POLA2: variants seen among roughly 807,000 people sequenced by gnomAD.
POLA2 encodes DNA polymerase alpha 2, accessory subunit.
In POLA2, 47 loss-of-function variants were observed where a neutral mutation model predicts 82.8. The ratio of observed to expected loss-of-function variants is 0.57; its 90% CI spans 0.45 to 0.72. The LOEUF (loss-of-function observed/expected upper bound fraction) is 0.72. Among genes scored for constraint, POLA2 ranks in the 30% least tolerant of loss-of-function variants. The pLI is 0.00. For synonymous variants in POLA2, 287 were observed against 286.8 expected (o/e 1.00, Z -0.01); for missense variants, 634 against 728.1 (o/e 0.87, Z 1.49).
rs1187355977 is a variant in POLA2, at chr11:65,297,314, C to T, written c.*45C>T. 1 of 1,527,802 alleles carries T rather than the reference C, an allele frequency of 6.5e-7. No individual in the cohort carries two copies. The highest frequency in any genetic ancestry group is 2.3e-5 in the East Asian group (1 of 43,202). 94.6% of individuals were successfully genotyped at this position (1,527,802 alleles called of 1,614,324 possible). A position where few individuals can be genotyped will look rare whatever the true frequency, so the allele number is the denominator to read the frequency against. On this transcript the variant is annotated 3_prime_UTR_variant, in exon 18 of 18. Transcript: ENST00000265465. ...TCTCTGCTGTGTGGGCCCTTAAAGTCTTAGCCAAGAGCCAAGACATAGCCC... is the reference window on the plus strand; with the variant it reads ...TCTCTGCTGTGTGGGCCCTTAAAGTTTTAGCCAAGAGCCAAGACATAGCCC...
At position 65,297,950 on chromosome 11, in the gene POLA2, CCTTT is replaced by C. The variant is rs1949831443; in HGVS notation, c.*685_*688del. On this transcript the variant is annotated 3_prime_UTR_variant, in exon 18 of 18. Coordinates refer to ENST00000265465, the MANE Select transcript of POLA2 (RefSeq NM_002689.4). ...CAGGCGTGAGCCACCGCGCCCGGCCCCTTTCTTCTATTTTCTTTATCCTGGTAGT... is the reference window on the plus strand; with the variant it reads ...CAGGCGTGAGCCACCGCGCCCGGCCCCTTCTATTTTCTTTATCCTGGTAGT... 1 of 152,336 alleles carries C rather than the reference CCTTT, an allele frequency of 6.6e-6. No individual in the cohort carries two copies. Among genetic ancestry groups the C allele is most frequent in the Non-Finnish European group, 1.5e-5 (1 of 68,194 alleles). The allele number at this position is 152,336 out of a possible 1,614,324, so 9.4% of individuals were successfully genotyped here.
At chr11:65,267,190 C>G (rs1216131352) in intron 2 of POLA2, among the ~76,000 whole-genome samples, 1 of 151,470 alleles carries the variant, frequency 6.6e-6, no homozygotes, top group Non-Finnish European at 1.5e-5. Flanking sequence ...TGGGACAGAG[C>G]GAGACTCCAT....
At chr11:65,280,772 G>C (rs908527851) in intron 7 of POLA2, 5 of 535,316 alleles carry the variant, frequency 9.3e-6, no homozygotes, top group Non-Finnish European at 1.3e-5. Flanking sequence ...TCCTAGGAAG[G>C]CTCAAGTGCT....
chr11:65,274,847 G>T (rs1200794617), intron 4 of POLA2, among the ~76,000 whole-genome samples: 2 of 151,748 alleles, frequency 1.3e-5, no homozygotes, highest in African/African-American at 2.4e-5. Flanking sequence ...AAATTATAAG[G>T]CACCACGCCT....
rs747221100 is a variant in POLA2, at chr11:65,294,248, G to T, written c.1340G>T (p.Arg447Leu). Reference protein sequence around the residue: ...QPPFSYSDLSREDKKQVQFVS... With the variant: ...QPPFSYSDLSLEDKKQVQFVS... ...CCTTTCAGCTACTCCGATCTGTCTC[G>T]AGAGGACAAAAAGGTAGCAGCACCC... The change falls in exon 14 of 18, where the codon CGA (arginine) becomes CTA (leucine). Residue 447 changes from arginine (R) to leucine (L), a missense_variant. Arg to Leu is a moderately radical substitution (Grantham distance 102). Coordinates refer to ENST00000265465, the MANE Select transcript of POLA2 (RefSeq NM_002689.4). 1 of 1,613,724 alleles carries T rather than the reference G, an allele frequency of 6.2e-7. No homozygotes were observed. Among genetic ancestry groups the T allele is most frequent in the Non-Finnish European group, 8.5e-7 (1 of 1,179,656 alleles).
In POLA2 at chr11:65,289,848, G is replaced by T; in HGVS notation, c.1220G>T (p.Arg407Leu). ...GAAGACATTTTCAAGCAGTGTCTAC[G>T]AACAATTATTGAAGGCACAAGAAGG... Reference protein sequence around the residue: ...PFEDIFKQCLRTIIEGTRSSG... With the variant: ...PFEDIFKQCLLTIIEGTRSSG... Residue 407 changes from arginine (R) to leucine (L), a missense_variant, in exon 13 of 18, where the codon CGA becomes CTA. Coordinates refer to ENST00000265465, the MANE Select transcript of POLA2 (RefSeq NM_002689.4). The T allele has an allele frequency of 6.2e-7, 1 of 1,609,680 alleles. No homozygotes were observed.
intron 1 of POLA2, among the ~76,000 whole-genome samples, chr11:65,264,173 T>G (rs995052076): frequency 6.6e-6 from 1 of 152,078 alleles, no homozygotes; most frequent in South Asian, 2.1e-4. Context: ...GTTCAAGCGG[T>G]TCTCCTGCCT....
chr11:65,305,040 TCCTCCATGGC>T (rs914223689), intron 8 of POLA2, among the ~76,000 whole-genome samples: 2 of 144,508 alleles, frequency 1.4e-5, no homozygotes, highest in Admixed American at 1.4e-4. Context: ...TCCCCCTTCT[TCCTCCATGGC>T]CCTCCATGGG....
At position 65,297,243 on chromosome 11, in the gene POLA2, A is replaced by G. The variant is rs933980501; in HGVS notation, c.1771A>G (p.Ile591Val). 2 of 1,611,840 alleles carry G rather than the reference A, an allele frequency of 1.2e-6. No individual in the cohort carries two copies. The highest frequency in any genetic ancestry group is 1.3e-5 in the African/African-American group (1 of 74,854). Residue 591 changes from isoleucine to valine, a missense_variant, in exon 18 of 18, where the codon ATT becomes GTT. Coordinates refer to ENST00000265465, the MANE Select transcript of POLA2 (RefSeq NM_002689.4). The stretch of plus-strand genomic sequence containing the variant: ...CGGGGCAGAGAGGCAGAGCCCATGC[A>G]TTGCTGTGCAGGTCGTCAGGATCTG... ...ADGAERQSPC[I>V]AVQVVRI is the part of the protein sequence containing the mutation.
intron 15 of POLA2, 82 bp downstream of exon 15, chr11:65,294,734 C>A: frequency 2.1e-6 from 2 of 944,906 alleles, no homozygotes; most frequent in Non-Finnish European, 3.3e-6. Flanking sequence ...AATCAAGGGG[C>A]TGCTTAACGG....
intron 4 of POLA2, 97 bp from the exon 5 acceptor site, chr11:65,275,795 G>A (rs111744572): frequency 2.6e-5 from 15 of 578,626 alleles, no homozygotes; most frequent in Admixed American, 1.3e-4. Context: ...TTGTGCCTTC[G>A]TTTGGACATG....
rs1224725349 is a variant in POLA2, at chr11:65,280,924, A to G, written c.745-68A>G. The G allele has an allele frequency of 4.0e-6, 6 of 1,514,110 alleles. No individual in the cohort carries two copies. In the South Asian group the frequency reaches 5.9e-5, roughly 15 times the overall value. The allele number at this position is 1,514,110 out of a possible 1,614,324, so 93.8% of individuals were successfully genotyped here. On this transcript the variant is annotated intron_variant, in intron 7 of 17. Transcript: ENST00000265465. ...TGCAGTTTGTTTTGCTATTCACCCT[A>G]TCGACTTCAGATTTTGAGCTCCTGC...
intron 7 of POLA2, chr11:65,280,390 TGTATG>T (rs931306793): frequency 6.6e-6 from 1 of 152,392 alleles, no homozygotes; most frequent in African/African-American, 2.4e-5. Flanking sequence ...GTTAAGAGGT[TGTATG>T]GTATGTGGCT....
At chr11:65,269,898 G>A (rs943961349) in intron 4 of POLA2, among the ~76,000 whole-genome samples, 6 of 152,150 alleles carry the variant, frequency 3.9e-5, no homozygotes, top group African/African-American at 1.4e-4. Context: ...GCAATGGCAC[G>A]ATCTCGGGTC....
chr11:65,305,408 T>C (rs1363718429), exon 9 of POLA2: 9 of 456,180 alleles, frequency 2.0e-5, no homozygotes, highest in South Asian at 1.4e-4. Flanking sequence ...TCAAAATAGG[T>C]GGAAACCAGG....
intron 8 of POLA2, among the ~76,000 whole-genome samples, chr11:65,305,162 C>G (rs1949880335): frequency 6.6e-6 from 1 of 152,172 alleles, no homozygotes; most frequent in Non-Finnish European, 1.5e-5. Context: ...TCTACGCTAA[C>G]TGTCCCCAGA....
intron 17 of POLA2, 52 bp downstream of exon 17, chr11:65,296,042 T>C: frequency 6.2e-7 from 1 of 1,611,012 alleles, no homozygotes; most frequent in East Asian, 2.2e-5. Flanking sequence ...AGTCTTTGAC[T>C]TTCCCTTCTA....
chr11:65,281,593 T>C, intron 8 of POLA2, 77 bp from the exon 9 acceptor site: 1 of 1,071,578 alleles, frequency 9.3e-7, no homozygotes, highest in Non-Finnish European at 1.4e-6. Flanking sequence ...ACAATGCTTT[T>C]AACTGCCTCA....
downstream of POLA2, among the ~76,000 whole-genome samples, chr11:65,305,868 A>G (rs1438260201): frequency 6.6e-6 from 1 of 152,192 alleles, no homozygotes; most frequent in Non-Finnish European, 1.5e-5. Context: ...TCTGCCAAGA[A>G]GTGCATCTGT....
Sources: allele counts gnomAD v4.1 joint callset (sites outside exome capture counted in the v4.1 genomes callset), GRCh38; gene constraint gnomAD v4.1.1; transcripts MANE v1.5; gene names NCBI Gene and HGNC (gene_info 2026-07-23, HGNC 2026-07-21).